Variants in SLC6A12 observed in about 807,000 individuals in gnomAD.
The protein encoded by SLC6A12 is sodium- and chloride-dependent betaine transporter.
A neutral mutation model predicts 73.3 loss-of-function variants in SLC6A12; 50 were observed. The ratio of observed to expected loss-of-function variants is 0.68; its 90% confidence interval spans 0.54 to 0.86. SLC6A12 has a LOEUF of 0.86. Ranked by LOEUF, SLC6A12 falls within the 40% of genes least tolerant of loss-of-function variation. The pLI is 0.00. For missense variants in SLC6A12, 648 were observed against 772.8 expected (o/e 0.84, Z 1.92); for synonymous variants, 304 against 309.2 (o/e 0.98, Z 0.18).
chr12:199,685 A>C (rs571764303), intron 7 of SLC6A12: 1 of 152,212 alleles, frequency 6.6e-6, no homozygotes, highest in Non-Finnish European at 1.5e-5. Flanking sequence ...GGCCAAGCAG[A>C]GAAGTCCGTT....
downstream of SLC6A12, among the ~76,000 whole-genome samples, chr12:189,218 C>G (rs1939500521): frequency 6.6e-6 from 1 of 152,070 alleles, no homozygotes; most frequent in African/African-American, 2.4e-5. Flanking sequence ...CGCCCGCGTG[C>G]TAGGGGCCCC....
chr12:187,545 G>A (rs1265178267), downstream of SLC6A12, among the ~76,000 whole-genome samples: 1 of 130,576 alleles, frequency 7.7e-6, no homozygotes, highest in Non-Finnish European at 1.6e-5. Flanking sequence ...TAAAGGCAGA[G>A]TAGACCCAAA....
At chr12:197,343 C>G in intron 10 of SLC6A12, 34 bp downstream of exon 10, 2 of 1,593,158 alleles carry the variant, frequency 1.3e-6, no homozygotes, top group Non-Finnish European at 1.7e-6. Context: ...GACTCTCCTT[C>G]CCCTCAGGCC....
chr12:193,924 T>C (rs981551558), intron 13 of SLC6A12: 4 of 152,306 alleles, frequency 2.6e-5, no homozygotes, highest in African/African-American at 9.6e-5. Flanking sequence ...AGTGAAAACA[T>C]TGACTGGCTG....
chr12:189,555 C>A (rs773219346), downstream of SLC6A12, among the ~76,000 whole-genome samples: 3 of 152,136 alleles, frequency 2.0e-5, no homozygotes, highest in African/African-American at 7.2e-5. Flanking sequence ...AGCCCCTGGG[C>A]GGGGGGTCCA....
chr12:192,614 G>C lies in SLC6A12; in HGVS notation c.1565C>G (p.Pro522Arg). 1.2e-6 allele frequency: 2 copies of C among 1,614,128 alleles called. No homozygotes were observed. The highest frequency in any genetic ancestry group is 2.2e-5 in the East Asian group (1 of 44,878). The change falls in exon 15 of 16, where the codon CCC becomes CGC. Residue 522 changes from proline (P) to arginine (R), a missense_variant. Transcript: ENST00000684302. ...TFLFSLSKYT[P>R]LKYNNVYVYP... Reference sequence around the variant, plus strand: ...CACATAGACGTTGTTGTACTTGAGGGGGGTGTACTTGCTCAAGGAGAAGAG... The same window carrying C: ...CACATAGACGTTGTTGTACTTGAGGCGGGTGTACTTGCTCAAGGAGAAGAG...
At chr12:200,568 T>G (rs1365672312) in intron 7 of SLC6A12, 83 bp downstream of exon 7, 44 of 1,435,280 alleles carry the variant, frequency 3.1e-5, no homozygotes, top group Non-Finnish European at 4.2e-5. Context: ...TAGAAAGAAA[T>G]CAGTTCTCCA....
chr12:197,550 AAGAG>A (rs1172677738), intron 9 of SLC6A12, 49 bp from the exon 10 acceptor site: 1 of 1,575,592 alleles, frequency 6.3e-7, no homozygotes, highest in South Asian at 1.2e-5. Flanking sequence ...AAAAGAGAGG[AAGAG>A]AGAGAGATCA....
rs1478577268 is a variant in SLC6A12, at chr12:213,389, C to T, written c.-143+533G>A. On this transcript the variant is annotated intron_variant, in intron 1 of 15. Transcript: ENST00000684302. This position sits in a 1 kb window ranked among gnomAD's most constrained non-coding sequence, Gnocchi z 5.3. ...CTGCCTGCAACTCCCCTGAGTGCCCCCCTCGGGTACAAGCACACCCATAGC... is the reference window on the plus strand; with the variant it reads ...CTGCCTGCAACTCCCCTGAGTGCCCTCCTCGGGTACAAGCACACCCATAGC... The T allele has an allele frequency of 6.6e-6, 1 of 152,520 alleles. No individual in the cohort carries two copies. The highest frequency in any genetic ancestry group is 1.5e-5 in the Non-Finnish European group (1 of 68,216). The allele number at this position is 152,520 out of a possible 1,614,324, so 9.4% of individuals were successfully genotyped here.
chr12:195,042 C>T (rs1353640083), intron 13 of SLC6A12, among the ~76,000 whole-genome samples, 183 bp downstream of exon 13: 1 of 152,218 alleles, frequency 6.6e-6, no homozygotes, highest in South Asian at 2.1e-4. Context: ...TGCTTGCTGC[C>T]ATGAAAATGC....
chr12:203,607 A>C (rs1443612920), intron 4 of SLC6A12: 1 of 152,062 alleles, frequency 6.6e-6, no homozygotes, highest in African/African-American at 2.4e-5. Flanking sequence ...CACCCAAAAA[A>C]CACACAAACA....
intron 3 of SLC6A12, among the ~76,000 whole-genome samples, chr12:207,920 G>A (rs949724826): frequency 4.6e-5 from 7 of 152,106 alleles, no homozygotes; most frequent in African/African-American, 1.2e-4. Flanking sequence ...ATGTTACTGC[G>A]GGTACTCATC....
At chr12:194,068 C>T (rs1939748527) in intron 13 of SLC6A12, 1 of 152,186 alleles carries the variant, frequency 6.6e-6, no homozygotes, top group African/African-American at 2.4e-5. Context: ...CCCAAAATAC[C>T]TTCCCACCGA....
At chr12:201,222 G>C in intron 6 of SLC6A12, 1 of 189,838 alleles carries the variant, frequency 5.3e-6, no homozygotes, top group Non-Finnish European at 1.1e-5. Context: ...GGGCATTGGT[G>C]CCTACGTGGG....
At position 200,733 on chromosome 12, in the gene SLC6A12, C is replaced by G; in HGVS notation, c.629G>C (p.Arg210Pro). 1.9e-6 allele frequency: 3 copies of G among 1,614,054 alleles called. No homozygotes were observed. The highest frequency in any genetic ancestry group is 8.5e-7 in the Non-Finnish European group (1 of 1,179,964). Residue 210 changes from arginine to proline, a missense_variant, in exon 7 of 16, where the codon CGC (arginine) becomes CCC (proline). Coordinates refer to ENST00000684302, the MANE Select transcript of SLC6A12 (RefSeq NM_001122848.3). ...TSGIHDLGSL[R>P]WELALCLLLA... ...CAGGAGGCACAGGGCCAGCTCCCAG[C>G]GCAGGGAGCCCAGGTCATGGATGCC...
intron 3 of SLC6A12, among the ~76,000 whole-genome samples, chr12:208,179 G>A (rs1454829687): frequency 6.6e-6 from 1 of 152,100 alleles, no homozygotes; most frequent in Non-Finnish European, 1.5e-5. Flanking sequence ...TCCATCTCCA[G>A]CCCTAACATC....
Position 213,141 on chromosome 12 carries a change from C to G in SLC6A12, c.-143+781G>C, listed in dbSNP as rs973223383. ...TGGGATCCCAGCTCTGTCCCCTTTG[C>G]TCCCCAGTCCAGCATAGGAATAGCT... On this transcript the variant is annotated intron_variant, in intron 1 of 15. Transcript: ENST00000684302. The surrounding 1 kb of genome is among the most constrained non-coding windows in gnomAD (Gnocchi z 5.3). 6.6e-6 allele frequency: 1 copy of G among 152,308 alleles called. No individual in the cohort carries two copies. The highest frequency in any genetic ancestry group is 2.4e-5 in the African/African-American group (1 of 41,434). The allele number at this position is 152,308 out of a possible 1,614,324, so 9.4% of individuals were successfully genotyped here. A position where few individuals can be genotyped will look rare whatever the true frequency, so the allele number is the denominator to read the frequency against.
intron 9 of SLC6A12, 27 bp downstream of exon 9, chr12:197,873 C>CCCCCCCCCCG: frequency 7.1e-7 from 1 of 1,399,816 alleles, no homozygotes; most frequent in Non-Finnish European, 1.0e-6. Context: ...CCCTCCTTCA[C>CCCCCCCCCCG]CCCACCCCGG....
At chr12:188,967 C>G (rs898115959), downstream of SLC6A12, among the ~76,000 whole-genome samples, 2 of 152,202 alleles carry the variant, frequency 1.3e-5, no homozygotes, top group African/African-American at 4.8e-5. Context: ...GGGCAGAGAG[C>G]TTGCGGGACA....
Sources: gnomAD v4.1 joint callset for allele counts (sites outside exome capture counted in the v4.1 genomes callset) on GRCh38, gnomAD v4.1.1 for gene constraint, Gnocchi (gnomAD v3.1) non-coding constraint, MANE v1.5 for transcripts, NCBI Gene and HGNC (gene_info 2026-07-23, HGNC 2026-07-21) for gene names.